The following ACAP2 variants were observed in gnomAD, a reference collection of about 807,000 sequenced individuals.
The protein encoded by ACAP2 is ArfGAP with coiled-coil, ankyrin repeat and PH domains 2.
In ACAP2, 39 loss-of-function variants were observed where a neutral mutation model predicts 115.8. The observed-to-expected ratio is 0.34, with a 90% CI of 0.26 to 0.44. The LOEUF (loss-of-function observed/expected upper bound fraction) is 0.44. ACAP2 is among the 20% of genes least tolerant of loss of function. The pLI, the probability that ACAP2 is intolerant of heterozygous loss-of-function variation, is 1.00. For synonymous variants in ACAP2, 289 were observed against 315.8 expected, an observed-to-expected ratio of 0.92 and a Z score of 0.90; for missense variants, 662 against 927.6, an observed-to-expected ratio of 0.71 and a Z score of 3.72.
chr3:195,388,461 C>T (rs545337418), intron 2 of ACAP2, among the ~76,000 whole-genome samples: 2 of 152,284 alleles, frequency 1.3e-5, no homozygotes, highest in East Asian at 3.9e-4. Context: ...TTATTCACCA[C>T]AAAGAATGAA....
intron 18 of ACAP2, among the ~76,000 whole-genome samples, chr3:195,294,503 G>C (rs190487274): frequency 0.021 from 3,077 of 149,990 alleles, 103 homozygotes; most frequent in East Asian, 0.098. Flanking sequence ...ACTTGAAACT[G>C]GAAGGCGGAG....
rs75732706 is a variant in ACAP2, at chr3:195,421,058, A to G, written c.53+21737T>C. On this transcript the variant is annotated intron_variant, in intron 1 of 22. Transcript: ENST00000326793. ...TTTTAACCATTAGGTTAAACAGAGGAAAGGACTAAAAATCACTGTGCTTTA... is the reference window on the plus strand; with the variant it reads ...TTTTAACCATTAGGTTAAACAGAGGGAAGGACTAAAAATCACTGTGCTTTA... 2.0e-3 allele frequency among the ~76,000 whole-genome samples: 300 copies of G among 152,322 alleles called. 2 individuals are homozygous for G. In the Middle Eastern group the frequency reaches 0.031, roughly 16 times the overall value.
intron 5 of ACAP2, among the ~76,000 whole-genome samples, chr3:195,343,898 C>T (rs922355742): frequency 6.6e-6 from 1 of 152,164 alleles, no homozygotes; most frequent in African/African-American, 2.4e-5. Context: ...TCTATGAAGA[C>T]ATTCTGAGTG....
intron 6 of ACAP2, among the ~76,000 whole-genome samples, chr3:195,339,427 C>T (rs1454938824): frequency 6.7e-6 from 1 of 149,418 alleles, no homozygotes; most frequent in Non-Finnish European, 1.5e-5. Flanking sequence ...AAATTAAGTG[C>T]TATATAAAAT....
At chr3:195,439,182 G>A (rs1304081332) in intron 1 of ACAP2, among the ~76,000 whole-genome samples, 2 of 146,392 alleles carry the variant, frequency 1.4e-5, no homozygotes, top group Non-Finnish European at 1.5e-5. Flanking sequence ...AGCATACCAA[G>A]GCTAAGGCCT....
intron 4 of ACAP2, among the ~76,000 whole-genome samples, chr3:195,351,858 T>C (rs1261955466): frequency 6.6e-6 from 1 of 152,124 alleles, no homozygotes; most frequent in Admixed American, 6.5e-5. Context: ...TACTTATTAA[T>C]AAGGAAATGC....
chr3:195,326,670 C>A, intron 9 of ACAP2: 1 of 462,580 alleles, frequency 2.2e-6, no homozygotes, highest in Non-Finnish European at 3.8e-6. Flanking sequence ...TAAACTGGTT[C>A]AAGAAGCATA....
intron 1 of ACAP2, among the ~76,000 whole-genome samples, chr3:195,395,728 G>A (rs1280726362): frequency 6.6e-6 from 1 of 152,072 alleles, no homozygotes; most frequent in Non-Finnish European, 1.5e-5. Flanking sequence ...TGACCATTAA[G>A]AATGTCAAAT....
chr3:195,286,290 C>G (rs1726839646), intron 21 of ACAP2, among the ~76,000 whole-genome samples: 1 of 152,174 alleles, frequency 6.6e-6, no homozygotes, highest in Non-Finnish European at 1.5e-5. Flanking sequence ...ATATAAACAG[C>G]ATGTGTGGCC....
intron 4 of ACAP2, among the ~76,000 whole-genome samples, chr3:195,365,982 C>G (rs1373653297): frequency 6.6e-6 from 1 of 152,002 alleles, no homozygotes; most frequent in Non-Finnish European, 1.5e-5. Flanking sequence ...GCTGGGATTA[C>G]AGGCACGCGC....
chr3:195,287,249 T>G (rs1279683682), intron 21 of ACAP2, among the ~76,000 whole-genome samples: 2 of 152,214 alleles, frequency 1.3e-5, no homozygotes, highest in African/African-American at 4.8e-5. Flanking sequence ...CGGTGACGAT[T>G]AATTTTCTGA....
At chr3:195,371,434 T>C (rs991350067) in intron 4 of ACAP2, among the ~76,000 whole-genome samples, 1 of 152,198 alleles carries the variant, frequency 6.6e-6, no homozygotes, top group Non-Finnish European at 1.5e-5. Flanking sequence ...AAGTTGTTTA[T>C]CAGCTGAAGG....
intron 22 of ACAP2, among the ~76,000 whole-genome samples, chr3:195,281,319 G>C (rs1355235355): frequency 6.6e-6 from 1 of 151,960 alleles, no homozygotes; most frequent in Non-Finnish European, 1.5e-5. Context: ...GCATGAGAAT[G>C]GTGTGAACCC....
intron 10 of ACAP2, among the ~76,000 whole-genome samples, chr3:195,313,919 T>C (rs984664373): frequency 6.6e-6 from 1 of 152,174 alleles, no homozygotes; most frequent in Non-Finnish European, 1.5e-5. Context: ...CAAAGAAAGA[T>C]TATTGTGGTG....
chr3:195,294,807 T>C lies in ACAP2; in HGVS notation c.1677A>G (p.Arg559=), dbSNP rs1727540015. The C allele has an allele frequency of 1.3e-6, 2 of 1,588,996 alleles. No individual in the cohort carries two copies. Among genetic ancestry groups the C allele is most frequent in the Non-Finnish European group, 1.7e-6 (2 of 1,161,114 alleles). The change falls in exon 18 of 23, where the codon AGA becomes AGG. Residue 559 remains arginine, a synonymous_variant. Transcript: ENST00000326793. ...QVRASAQSSV[R]SNDSGIQQSS... Reference sequence around the variant, plus strand: ...TCTGCTGAATTCCACTGTCATTACTTCTGACTGTTTTAAAGAAAAATTAAC... The same window carrying C: ...TCTGCTGAATTCCACTGTCATTACTCCTGACTGTTTTAAAGAAAAATTAAC...
chr3:195,431,298 T>C (rs2108858354), intron 1 of ACAP2, among the ~76,000 whole-genome samples: 1 of 152,324 alleles, frequency 6.6e-6, no homozygotes, highest in South Asian at 2.1e-4. Flanking sequence ...GGACACAGGT[T>C]GTTTCACTTT....
rs796780762 is a variant in ACAP2, at chr3:195,416,342, C to CA, written c.54-24196dup. On this transcript the variant is annotated intron_variant, in intron 1 of 22. Coordinates refer to ENST00000326793, the MANE Select transcript of ACAP2 (RefSeq NM_012287.6). ...GCCTGGTGACAGAGCAAGACGCCGT[C>CA]AAAAAAAAAAAAAAAATCCTCAACA... 8.0e-3 allele frequency among the ~76,000 whole-genome samples: 881 copies of CA among 110,250 alleles called. 12 individuals carry two copies. Among genetic ancestry groups the CA allele is most frequent in the South Asian group, 0.056 (195 of 3,506 alleles). 72.3% of individuals were successfully genotyped at this position (110,250 alleles called of 152,430 possible). A position where few individuals can be genotyped will look rare whatever the true frequency, so the allele number is the denominator to read the frequency against.
chr3:195,432,724 C>T (rs766457908), intron 1 of ACAP2, among the ~76,000 whole-genome samples: 3 of 152,114 alleles, frequency 2.0e-5, no homozygotes, highest in Non-Finnish European at 2.9e-5. Flanking sequence ...TTCAAAGAAA[C>T]CGGTTGGAAT....
Position 195,317,463 on chromosome 3 carries a change from A to G in ACAP2, c.857+3238T>C, listed in dbSNP as rs112971759. Among the ~76,000 whole-genome samples, 63 of 152,294 alleles carry G rather than the reference A, an allele frequency of 4.1e-4. No homozygotes were observed. In the Middle Eastern group the frequency reaches 0.017, roughly 41 times the overall value. On this transcript the variant is annotated intron_variant, in intron 10 of 22. Transcript: ENST00000326793. ...CAACCAGAATCCAACTACTACTCAT[A>G]TTACAGAATTTTTTTGACTACTTTT...
Sources: allele counts gnomAD v4.1 joint callset (sites outside exome capture counted in the v4.1 genomes callset), GRCh38; gene constraint gnomAD v4.1.1; transcripts MANE v1.5; gene names NCBI Gene and HGNC (gene_info 2026-07-23, HGNC 2026-07-21).